TNIP3: variants seen among roughly 807,000 people sequenced by gnomAD.
TNIP3 encodes TNFAIP3 interacting protein 3.
TNIP3 carries 34 observed loss-of-function variants against 54.1 expected under a neutral mutation model. The observed-to-expected ratio is 0.63, with a 90% CI of 0.48 to 0.84. The LOEUF is 0.84. Among genes scored for constraint, TNIP3 ranks in the 40% least tolerant of loss-of-function variants. TNIP3 has a pLI of 0.00. For missense variants in TNIP3, 366 were observed against 387.6 expected, an observed-to-expected ratio of 0.94 and a Z score of 0.47; for synonymous variants, 134 against 136.8, an observed-to-expected ratio of 0.98 and a Z score of 0.14.
intron 6 of TNIP3, 125 bp from the exon 7 acceptor site, chr4:121,147,299 G>T: frequency 8.3e-7 from 1 of 1,202,400 alleles, no homozygotes; most frequent in Non-Finnish European, 1.1e-6. Context: ...AGTGTTCAGT[G>T]TCACTGTTTT....
chr4:121,154,456 C>G (rs1257225534), intron 5 of TNIP3, 95 bp downstream of exon 5: 1 of 1,477,156 alleles, frequency 6.8e-7, no homozygotes, highest in Non-Finnish European at 9.3e-7. Context: ...AGGCTGGGAC[C>G]CACACTGCAG....
intron 1 of TNIP3, among the ~76,000 whole-genome samples, chr4:121,223,262 A>C (rs986465580): frequency 6.6e-6 from 1 of 152,240 alleles, no homozygotes; most frequent in African/African-American, 2.4e-5. Context: ...AGGGAAGTAA[A>C]GGACAGCCTG....
chr4:121,175,155 A>G (rs1233540802), intron 3 of TNIP3, among the ~76,000 whole-genome samples: 1 of 152,216 alleles, frequency 6.6e-6, no homozygotes, highest in East Asian at 1.9e-4. Flanking sequence ...CATATTTCTT[A>G]ACCCACAGGC....
intron 1 of TNIP3, among the ~76,000 whole-genome samples, chr4:121,222,505 A>T (rs1727071326): frequency 6.6e-6 from 1 of 152,182 alleles, no homozygotes; most frequent in African/African-American, 2.4e-5. Context: ...CAAAGTAAGG[A>T]TAACACTTCC....
intron 1 of TNIP3, among the ~76,000 whole-genome samples, chr4:121,225,519 G>A (rs574722855): frequency 6.6e-6 from 1 of 152,122 alleles, no homozygotes; most frequent in South Asian, 2.1e-4. Flanking sequence ...ATAAATATTT[G>A]AAAGATCCAA....
chr4:121,143,910 G>A (rs1474826420), intron 7 of TNIP3, among the ~76,000 whole-genome samples: 6 of 152,010 alleles, frequency 3.9e-5, no homozygotes, highest in Admixed American at 1.3e-4. Flanking sequence ...TATACGTGTG[G>A]GCCATTCTAA....
intron 7 of TNIP3, among the ~76,000 whole-genome samples, chr4:121,146,019 C>A (rs1560641858): frequency 6.7e-6 from 1 of 150,042 alleles, no homozygotes; most frequent in African/African-American, 2.5e-5. Flanking sequence ...AATATATACT[C>A]TTTTTTTTTA....
At chr4:121,176,389 A>G (rs1472536800) in intron 3 of TNIP3, among the ~76,000 whole-genome samples, 2 of 152,138 alleles carry the variant, frequency 1.3e-5, no homozygotes, top group African/African-American at 2.4e-5. Flanking sequence ...GCAGAAAAAA[A>G]TAGATCAAAA....
At chr4:121,218,986 G>A (rs1726921778), upstream of TNIP3, among the ~76,000 whole-genome samples, 1 of 152,200 alleles carries the variant, frequency 6.6e-6, no homozygotes, top group Non-Finnish European at 1.5e-5. Flanking sequence ...GATCACCTGA[G>A]GTCAGGAGTT....
At chr4:121,182,631 G>A (rs760611462) in intron 3 of TNIP3, 239 of 1,529,668 alleles carry the variant, frequency 1.6e-4, no homozygotes, top group Non-Finnish European at 2.0e-4. Context: ...TGAATAAACT[G>A]CTGAAGGGTA....
Position 121,178,310 on chromosome 4 carries a change from G to T in TNIP3, c.189+4366C>A, listed in dbSNP as rs1197651521. On this transcript the variant is annotated intron_variant, in intron 3 of 12. Transcript: ENST00000507879. ...ATGAATAGAAATACTTTGCAAAAAT[G>T]CTGGCCAAGAGTAGGTGCTCAATAC... 4.6e-5 allele frequency among the ~76,000 whole-genome samples: 7 copies of T among 152,314 alleles called. No homozygotes were observed. In the East Asian group the frequency reaches 9.6e-4, roughly 21 times the overall value.
chr4:121,221,934 T>C (rs1381060760), intron 1 of TNIP3, among the ~76,000 whole-genome samples: 1 of 152,128 alleles, frequency 6.6e-6, no homozygotes, highest in Non-Finnish European at 1.5e-5. Flanking sequence ...AAAACTGACA[T>C]TTGAGGACTG....
In TNIP3 at chr4:121,143,028, A is replaced by G. The variant is rs1729214355; in HGVS notation, c.736-252T>C. On this transcript the variant is annotated intron_variant, in intron 7 of 10. Transcript: ENST00000057513. Reference sequence around the variant, plus strand: ...CTGTTTTAGGTAGATCTATTTAGATACAGATATAGAAACAATTTCCATTGC... The same window carrying G: ...CTGTTTTAGGTAGATCTATTTAGATGCAGATATAGAAACAATTTCCATTGC... Among the ~76,000 whole-genome samples the G allele has an allele frequency of 3.3e-5, 5 of 152,350 alleles. No individual in the cohort carries two copies. In the South Asian group the frequency reaches 1.0e-3, roughly 32 times the overall value.
At chr4:121,204,768 A>G (rs1726089893) in intron 2 of TNIP3, among the ~76,000 whole-genome samples, 1 of 152,196 alleles carries the variant, frequency 6.6e-6, no homozygotes, top group South Asian at 2.1e-4. Context: ...AAAACTTTTA[A>G]TAGTGCTTCT....
intron 2 of TNIP3, among the ~76,000 whole-genome samples, chr4:121,212,436 C>T (rs1726523168): frequency 6.6e-6 from 1 of 152,074 alleles, no homozygotes; most frequent in Admixed American, 6.6e-5. Context: ...AGAGAAGAAA[C>T]TTAGTCTATT....
chr4:121,157,390 A>G (rs1730183892), intron 3 of TNIP3, 147 bp from the exon 4 acceptor site: 4 of 966,112 alleles, frequency 4.1e-6, no homozygotes, highest in Non-Finnish European at 3.1e-6. Context: ...CGTCCCGAAC[A>G]CAGATCGGGA....
intron 2 of TNIP3, among the ~76,000 whole-genome samples, chr4:121,205,798 A>G (rs1444753182): frequency 1.3e-5 from 2 of 152,214 alleles, no homozygotes; most frequent in Non-Finnish European, 2.9e-5. Flanking sequence ...GAGACAGTGT[A>G]TTAGTCTGTT....
chr4:121,157,286 A>C (rs1288077719), intron 3 of TNIP3, 43 bp from the exon 4 acceptor site: 1 of 1,613,168 alleles, frequency 6.2e-7, no homozygotes, highest in African/African-American at 1.3e-5. Context: ...CCTTCTCTGA[A>C]GCTCACAAGC....
chr4:121,225,764 C>T (rs1433818680), intron 1 of TNIP3, among the ~76,000 whole-genome samples: 2 of 152,156 alleles, frequency 1.3e-5, no homozygotes, highest in Non-Finnish European at 2.9e-5. Context: ...CCTTCTCACT[C>T]CTTCTCTACC....
Sources: gnomAD v4.1 joint callset for allele counts (sites outside exome capture counted in the v4.1 genomes callset) on GRCh38, gnomAD v4.1.1 for gene constraint, MANE v1.5 for transcripts, NCBI Gene and HGNC (gene_info 2026-07-23, HGNC 2026-07-21) for gene names.